The following FHL2 variants were observed in gnomAD, a reference collection of about 807,000 sequenced individuals.
The protein encoded by FHL2 is four and a half LIM domains 2, also known as four and a half LIM domains protein 2.
In FHL2, 20 loss-of-function variants were observed where a neutral mutation model predicts 32.7. The ratio of observed to expected loss-of-function variants is 0.61; its 90% CI spans 0.43 to 0.89. FHL2 has a LOEUF of 0.89. FHL2 is among the 40% of genes least tolerant of loss of function. The pLI is 0.00. For synonymous variants in FHL2, 123 were observed against 128.1 expected (o/e 0.96, Z 0.27); for missense variants, 311 against 358.6 (o/e 0.87, Z 1.07).
chr2:105,378,998 C>T (rs1681683501), intron 3 of FHL2, among the ~76,000 whole-genome samples: 1 of 152,142 alleles, frequency 6.6e-6, no homozygotes, highest in Non-Finnish European at 1.5e-5. Flanking sequence ...GTCCACATCT[C>T]TTGTATCACT....
At chr2:105,371,546 A>ATCTCTCTCTCTCTCTC (rs10701119) in intron 4 of FHL2, among the ~76,000 whole-genome samples, 34 of 141,080 alleles carry the variant, frequency 2.4e-4, no homozygotes, top group South Asian at 1.5e-3. Flanking sequence ...ATCCCTTGAA[A>ATCTCTCTCTCTCTCTC]TCTCTCTCTC....
At chr2:105,389,561 C>A (rs917815607) in intron 2 of FHL2, among the ~76,000 whole-genome samples, 3 of 152,204 alleles carry the variant, frequency 2.0e-5, no homozygotes, top group Non-Finnish European at 4.4e-5. Flanking sequence ...ATTGTAAAAG[C>A]TGGAAACAAA....
At chr2:105,421,216 C>T (rs1355069907) in intron 1 of FHL2, among the ~76,000 whole-genome samples, 3 of 152,220 alleles carry the variant, frequency 2.0e-5, no homozygotes, top group Non-Finnish European at 4.4e-5. Flanking sequence ...CTTGTAAGGA[C>T]AGCCAGTTTC....
intron 5 of FHL2, among the ~76,000 whole-genome samples, chr2:105,365,166 C>G (rs973135807): frequency 7.2e-5 from 11 of 152,172 alleles, no homozygotes; most frequent in African/African-American, 2.7e-4. Context: ...CCACCCTGGC[C>G]CCCAACTCCT....
At chr2:105,379,025 C>A (rs985698861) in intron 3 of FHL2, among the ~76,000 whole-genome samples, 1 of 152,118 alleles carries the variant, frequency 6.6e-6, no homozygotes, top group African/African-American at 2.4e-5. Context: ...CAAGCGCCCG[C>A]CCCTCTGGGA....
chr2:105,396,745 C>T (rs748454635), intron 1 of FHL2, 48 bp from the exon 2 acceptor site: 15 of 1,575,566 alleles, frequency 9.5e-6, no homozygotes, highest in South Asian at 5.6e-5. Flanking sequence ...CTTGAGGAAG[C>T]GAACTCAGTA....
chr2:105,399,095 A>G, upstream of FHL2: 1 of 1,481,438 alleles, frequency 6.8e-7, no homozygotes, highest in Non-Finnish European at 8.9e-7. Flanking sequence ...CCGCCGTGTC[A>G]TTTGACCATA....
chr2:105,400,913 A>T (rs1232463145), upstream of FHL2, among the ~76,000 whole-genome samples: 1 of 152,134 alleles, frequency 6.6e-6, no homozygotes, highest in Non-Finnish European at 1.5e-5. Context: ...CCCTGTGGTC[A>T]TTCGATAGGG....
At chr2:105,358,103 C>G (rs1231293619), downstream of FHL2, 1 of 152,210 alleles carries the variant, frequency 6.6e-6, no homozygotes, top group African/African-American at 2.4e-5. Flanking sequence ...TCTGGCTGGT[C>G]TGTCATTTTG....
chr2:105,413,750 G>A (rs1379213449), intron 1 of FHL2, among the ~76,000 whole-genome samples: 1 of 152,230 alleles, frequency 6.6e-6, no homozygotes, highest in Non-Finnish European at 1.5e-5. Flanking sequence ...AAAGCCCTGA[G>A]ATTACAAGTG....
chr2:105,361,583 A>G (rs1355809987), intron 6 of FHL2, 149 bp from the exon 7 acceptor site: 2 of 654,598 alleles, frequency 3.1e-6, no homozygotes, highest in African/African-American at 1.8e-5. Context: ...TTGGGAATCC[A>G]TATGTAAATC....
At chr2:105,397,112 C>A (rs780621877) in intron 1 of FHL2, among the ~76,000 whole-genome samples, 2 of 141,256 alleles carry the variant, frequency 1.4e-5, no homozygotes, top group Non-Finnish European at 3.0e-5. Flanking sequence ...AATCTTGGGT[C>A]AAAGTATGCA....
rs373900664 is a variant in FHL2, at chr2:105,417,442, C to T, written c.-25+20957G>A. On this transcript the variant is annotated intron_variant, in intron 1 of 5. Coordinates refer to the FHL2 transcript ENST00000393352. ...GCTCACGCCTGTAATCCCAGCAATT[C>T]GGGAGACTGAGGCGGGCAGATTGTC... Among the ~76,000 whole-genome samples the T allele has an allele frequency of 1.6e-4, 24 of 151,792 alleles. 1 individual carries two copies. The highest frequency in any genetic ancestry group is 1.2e-3 in the East Asian group (6 of 5,154).
At chr2:105,367,817 T>C in intron 4 of FHL2, 78 bp from the exon 5 acceptor site, 1 of 1,456,884 alleles carries the variant, frequency 6.9e-7, no homozygotes, top group Non-Finnish European at 9.3e-7. Flanking sequence ...CCTTCAGAGC[T>C]TGCTGCCCTC....
chr2:105,366,135 A>G (rs1391689030), intron 5 of FHL2, among the ~76,000 whole-genome samples: 1 of 152,042 alleles, frequency 6.6e-6, no homozygotes, highest in Non-Finnish European at 1.5e-5. Context: ...GCTCGAACCC[A>G]AGAGGCGGAG....
At chr2:105,422,768 T>C (rs913059548) in intron 1 of FHL2, among the ~76,000 whole-genome samples, 11 of 152,150 alleles carry the variant, frequency 7.2e-5, no homozygotes, top group Admixed American at 2.6e-4. Context: ...ATTTTATCAA[T>C]TGATTACTTG....
chr2:105,364,055 G>C (rs531635272), intron 5 of FHL2, among the ~76,000 whole-genome samples: 25 of 152,196 alleles, frequency 1.6e-4, no homozygotes, highest in African/African-American at 5.8e-4. Flanking sequence ...TCAGGAGTTC[G>C]AGACCAGCCT....
At position 105,363,265 on chromosome 2, in the gene FHL2, G is replaced by T. The variant is rs1214073298; in HGVS notation, c.688+20C>A. On this transcript the variant is annotated intron_variant, in intron 6 of 6. Coordinates refer to ENST00000530340, the MANE Select transcript of FHL2 (RefSeq NM_001318895.3). ...CAAGCTTCCAATCGCCCCTGGAAAT[G>T]GGAACCCCGGGACACTCACCGCTGA... The T allele has an allele frequency of 1.2e-6, 2 of 1,611,958 alleles. No individual in the cohort carries two copies.
chr2:105,376,848 T>G (rs943975296), intron 3 of FHL2: 3 of 152,232 alleles, frequency 2.0e-5, no homozygotes, highest in African/African-American at 7.2e-5. Flanking sequence ...AGGAAAGGAA[T>G]TCTGACTCAT....
Sources: gnomAD v4.1 joint callset for allele counts (sites outside exome capture counted in the v4.1 genomes callset) on GRCh38, gnomAD v4.1.1 for gene constraint, MANE v1.5 for transcripts, NCBI Gene and HGNC (gene_info 2026-07-23, HGNC 2026-07-21) for gene names.